SEMA3A: variants seen among roughly 807,000 people sequenced by gnomAD.
SEMA3A encodes semaphorin-3A.
Under a neutral mutation model 97.9 loss-of-function variants are expected in SEMA3A, and 29 were observed. The observed-to-expected ratio is 0.30, with a 90% CI of 0.22 to 0.40. SEMA3A has a LOEUF of 0.40. Ranked by LOEUF, SEMA3A falls within the 10% of genes least tolerant of loss-of-function variation. The pLI, the probability that SEMA3A is intolerant of heterozygous loss-of-function variation, is 1.00. For missense variants in SEMA3A, 763 were observed against 951.3 expected, an observed-to-expected ratio of 0.80 and a Z score of 2.60; for synonymous variants, 321 against 323.7, an observed-to-expected ratio of 0.99 and a Z score of 0.09.
At chr7:83,971,575 T>C (rs1294735176) in intron 15 of SEMA3A, among the ~76,000 whole-genome samples, 1 of 152,190 alleles carries the variant, frequency 6.6e-6, no homozygotes. Flanking sequence ...TTCCAATGTC[T>C]AGTATGACAT....
At chr7:84,135,896 G>A (rs1240669915) in intron 1 of SEMA3A, among the ~76,000 whole-genome samples, 2 of 152,208 alleles carry the variant, frequency 1.3e-5, no homozygotes, top group African/African-American at 2.4e-5. Context: ...TTGCTCTCCA[G>A]TTTGCTTCTG....
At chr7:84,066,625 C>G (rs979994610) in intron 4 of SEMA3A, among the ~76,000 whole-genome samples, 3 of 149,200 alleles carry the variant, frequency 2.0e-5, no homozygotes, top group Non-Finnish European at 3.0e-5. Context: ...TATACATCAT[C>G]AACAGACAAA....
intron 6 of SEMA3A, among the ~76,000 whole-genome samples, chr7:84,023,540 C>T (rs1170991942): frequency 6.6e-6 from 1 of 152,072 alleles, no homozygotes; most frequent in East Asian, 1.9e-4. Flanking sequence ...ACAAGTGCTG[C>T]GAGGCCTAGT....
intron 1 of SEMA3A, among the ~76,000 whole-genome samples, chr7:84,415,153 T>C (rs1054091016): frequency 1.3e-5 from 2 of 152,136 alleles, no homozygotes; most frequent in Non-Finnish European, 2.9e-5. Flanking sequence ...GTAGAGTTGT[T>C]GTTTCAAACA....
chr7:84,262,041 C>A (rs954184927), intron 3 of SEMA3A, among the ~76,000 whole-genome samples: 3 of 152,012 alleles, frequency 2.0e-5, no homozygotes, highest in Non-Finnish European at 4.4e-5. Context: ...ATATTGTGAC[C>A]TTGTTTGTGA....
chr7:84,104,590 G>T (rs543946096), intron 4 of SEMA3A, among the ~76,000 whole-genome samples: 3 of 152,220 alleles, frequency 2.0e-5, no homozygotes, highest in African/African-American at 4.8e-5. Context: ...TTAATTAAGG[G>T]TGTGAAGGAT....
chr7:84,453,953 C>T (rs934398776), intron 1 of SEMA3A, among the ~76,000 whole-genome samples: 2 of 152,042 alleles, frequency 1.3e-5, no homozygotes, highest in Admixed American at 1.3e-4. Context: ...ATAAAGAAAA[C>T]TACTGCATCA....
At chr7:84,254,362 T>C (rs562819535) in intron 3 of SEMA3A, among the ~76,000 whole-genome samples, 1 of 152,138 alleles carries the variant, frequency 6.6e-6, no homozygotes, top group Non-Finnish European at 1.5e-5. Flanking sequence ...AACAAAAACT[T>C]GAGTTGGGTT....
At chr7:83,988,395 T>A (rs952382382) in intron 12 of SEMA3A, among the ~76,000 whole-genome samples, 3 of 151,836 alleles carry the variant, frequency 2.0e-5, no homozygotes, top group African/African-American at 7.3e-5. Context: ...ACTGGCTAAT[T>A]TTTTTGTATT....
chr7:84,071,485 G>A (rs1793737545), intron 4 of SEMA3A, among the ~76,000 whole-genome samples: 1 of 151,948 alleles, frequency 6.6e-6, no homozygotes, highest in Admixed American at 6.6e-5. Context: ...TTAATGGCAG[G>A]ACAGATGAAA....
chr7:83,996,047 T>C (rs910020638), intron 12 of SEMA3A, among the ~76,000 whole-genome samples: 2 of 152,210 alleles, frequency 1.3e-5, no homozygotes, highest in Non-Finnish European at 2.9e-5. Context: ...TCAATAGAAC[T>C]ATAAATAAAG....
intron 3 of SEMA3A, among the ~76,000 whole-genome samples, chr7:84,268,917 T>C (rs1458154860): frequency 2.0e-5 from 3 of 152,194 alleles, no homozygotes; most frequent in Admixed American, 6.5e-5. Context: ...TTCTCATACA[T>C]GAGCCTGATC....
intron 1 of SEMA3A, among the ~76,000 whole-genome samples, chr7:84,380,012 T>C (rs1013474670): frequency 6.6e-6 from 1 of 152,208 alleles, no homozygotes. Flanking sequence ...CATATTGGAC[T>C]TTGGAAATCT....
At chr7:84,067,817 T>C (rs1444910758) in intron 4 of SEMA3A, among the ~76,000 whole-genome samples, 10 of 150,292 alleles carry the variant, frequency 6.7e-5, no homozygotes, top group East Asian at 2.0e-4. Context: ...ACTTTTACAC[T>C]GTTGGTGGGA....
intron 4 of SEMA3A, among the ~76,000 whole-genome samples, chr7:84,080,494 A>G (rs1794117401): frequency 6.6e-6 from 1 of 151,956 alleles, no homozygotes; most frequent in Non-Finnish European, 1.5e-5. Context: ...TTTATTATAA[A>G]TTATTTTGAG....
intron 5 of SEMA3A, among the ~76,000 whole-genome samples, chr7:84,051,378 T>C (rs1018956892): frequency 6.6e-6 from 1 of 152,232 alleles, no homozygotes; most frequent in East Asian, 1.9e-4. Context: ...TATCCTCTTT[T>C]ATTTCCTTGA....
At chr7:84,189,739 A>T (rs537818495) in intron 1 of SEMA3A, among the ~76,000 whole-genome samples, 1 of 151,846 alleles carries the variant, frequency 6.6e-6, no homozygotes, top group East Asian at 1.9e-4. Context: ...GAACATATGC[A>T]ATCATATTAA....
At chr7:84,448,538 G>T (rs888375042) in intron 1 of SEMA3A, among the ~76,000 whole-genome samples, 1 of 151,736 alleles carries the variant, frequency 6.6e-6, no homozygotes, top group African/African-American at 2.4e-5. Context: ...AGGAGATGAA[G>T]AAAGCAATTT....
intron 1 of SEMA3A, among the ~76,000 whole-genome samples, chr7:84,393,174 T>C (rs565605313): frequency 5.6e-4 from 85 of 152,332 alleles, no homozygotes; most frequent in African/African-American, 1.9e-3. Context: ...ATTTTTAAGT[T>C]TCATGTTTTA....
Sources: allele counts gnomAD v4.1 joint callset (sites outside exome capture counted in the v4.1 genomes callset), GRCh38; gene constraint gnomAD v4.1.1; transcripts MANE v1.5; gene names NCBI Gene and HGNC (gene_info 2026-07-23, HGNC 2026-07-21).